RBFOX1: variants seen among roughly 807,000 people sequenced by gnomAD.
RBFOX1 encodes RNA binding protein fox-1 homolog 1.
Under a neutral mutation model 57.7 loss-of-function variants are expected in RBFOX1, and 8 were observed. The observed-to-expected ratio is 0.14, with a 90% CI of 0.08 to 0.25. The LOEUF is 0.25. Ranked by LOEUF, RBFOX1 falls within the 10% of genes least tolerant of loss-of-function variation. The pLI, the probability that RBFOX1 is intolerant of heterozygous loss-of-function variation, is 1.00. For missense variants in RBFOX1, 611 were observed against 548.5 expected (o/e 1.11, Z -1.14); for synonymous variants, 326 against 222.4 (o/e 1.47, Z -4.15).
At chr16:5,906,630 G>A (rs1375548877) in intron 4 of RBFOX1, among the ~76,000 whole-genome samples, 1 of 151,866 alleles carries the variant, frequency 6.6e-6, no homozygotes, top group African/African-American at 2.4e-5. Flanking sequence ...TGGACTGGGA[G>A]TCGGGACATG....
At chr16:6,761,805 C>G (rs893043504) in intron 3 of RBFOX1, among the ~76,000 whole-genome samples, 19 of 151,854 alleles carry the variant, frequency 1.3e-4, no homozygotes, top group African/African-American at 4.4e-4. Context: ...ACGCCTGGCC[C>G]TCTCTCTCCT....
chr16:5,952,060 C>T (rs1174027138), intron 4 of RBFOX1, among the ~76,000 whole-genome samples: 3 of 150,162 alleles, frequency 2.0e-5, no homozygotes, highest in East Asian at 3.9e-4. Flanking sequence ...TATACACACA[C>T]ATCTATATAA....
At chr16:7,297,772 T>C (rs1193122928) in intron 4 of RBFOX1, among the ~76,000 whole-genome samples, 1 of 152,210 alleles carries the variant, frequency 6.6e-6, no homozygotes, top group African/African-American at 2.4e-5. Context: ...CACATTCTTA[T>C]TGTGAAAATC....
chr16:6,793,357 C>A (rs561919456), intron 3 of RBFOX1, among the ~76,000 whole-genome samples: 2 of 152,030 alleles, frequency 1.3e-5, no homozygotes, highest in African/African-American at 2.4e-5. Flanking sequence ...ATATGATTTT[C>A]TTCCATTGAG....
chr16:6,516,714 A>G (rs1398101824), intron 2 of RBFOX1, among the ~76,000 whole-genome samples: 1 of 152,192 alleles, frequency 6.6e-6, no homozygotes, highest in Non-Finnish European at 1.5e-5. Flanking sequence ...TGCAAGTAAA[A>G]TGAAAAAATG....
intron 4 of RBFOX1, among the ~76,000 whole-genome samples, chr16:5,932,500 T>C (rs979432291): frequency 1.9e-4 from 29 of 152,212 alleles, no homozygotes; most frequent in African/African-American, 7.0e-4. Context: ...ACCCCAGCCA[T>C]GCCATGCTAG....
intron 1 of RBFOX1, among the ~76,000 whole-genome samples, chr16:5,325,365 A>G (rs889748729): frequency 6.6e-6 from 1 of 152,176 alleles, no homozygotes; most frequent in African/African-American, 2.4e-5. Flanking sequence ...ACAAGATCCT[A>G]TTCCTGCACA....
intron 1 of RBFOX1, among the ~76,000 whole-genome samples, chr16:5,387,400 G>C (rs1043815186): frequency 1.3e-5 from 2 of 152,314 alleles, no homozygotes; most frequent in East Asian, 1.9e-4. Context: ...ACTCTGTAAA[G>C]TCATCACAGA....
intron 4 of RBFOX1, among the ~76,000 whole-genome samples, chr16:7,512,636 C>T (rs142226860): frequency 2.0e-5 from 3 of 152,290 alleles, no homozygotes; most frequent in East Asian, 1.9e-4. Flanking sequence ...GACTCAGTCC[C>T]TAGAGCATGG....
intron 3 of RBFOX1, among the ~76,000 whole-genome samples, chr16:6,935,071 A>G (rs1360785166): frequency 2.0e-5 from 3 of 152,014 alleles, no homozygotes; most frequent in Admixed American, 2.0e-4. Flanking sequence ...AGCCTGCGTG[A>G]CAGTGAGACC....
At chr16:6,657,711 G>T (rs8047608) in intron 3 of RBFOX1, among the ~76,000 whole-genome samples, 3,335 of 152,254 alleles carry the variant, frequency 0.022, 128 homozygotes, top group African/African-American at 0.076. Flanking sequence ...GATGGCAGAG[G>T]TGCCAAAATA....
chr16:7,573,887 A>G (rs986882611), intron 5 of RBFOX1, among the ~76,000 whole-genome samples: 1 of 152,038 alleles, frequency 6.6e-6, no homozygotes, highest in African/African-American at 2.4e-5. Flanking sequence ...ATTACTTCCC[A>G]CTAAGCTTTG....
At position 6,923,286 on chromosome 16, in the gene RBFOX1, A is replaced by G. The variant is rs532744213; in HGVS notation, c.-15-128771A>G. ...TGGTGGCTCATGCCTATAATCCCAG[A>G]ACTTTGGGATGCCAAGGCGGGAGGA... On this transcript the variant is annotated intron_variant, in intron 3 of 15. Coordinates refer to ENST00000550418, the MANE Select transcript of RBFOX1 (RefSeq NM_018723.4). Among the ~76,000 whole-genome samples the G allele has an allele frequency of 9.9e-5, 15 of 152,112 alleles. No homozygotes were observed. The South Asian group carries it at 3.1e-3, about 32-fold the overall frequency.
At chr16:6,796,238 C>T (rs2084009036) in intron 3 of RBFOX1, among the ~76,000 whole-genome samples, 1 of 152,088 alleles carries the variant, frequency 6.6e-6, no homozygotes, top group Admixed American at 6.5e-5. Flanking sequence ...ATGAAGAGAA[C>T]AGTGAAGGAA....
chr16:7,346,672 C>G (rs1024109292), intron 4 of RBFOX1, among the ~76,000 whole-genome samples: 4 of 151,982 alleles, frequency 2.6e-5, no homozygotes, highest in African/African-American at 7.2e-5. Flanking sequence ...CAGATCTGCC[C>G]TGTTATCAGA....
intron 4 of RBFOX1, among the ~76,000 whole-genome samples, chr16:7,263,653 A>G (rs12930276): frequency 0.16 from 24,700 of 152,054 alleles, 2,582 homozygotes; most frequent in Middle Eastern, 0.3. Flanking sequence ...ATCCCAGCAC[A>G]GAGAGGCCGA....
intron 4 of RBFOX1, among the ~76,000 whole-genome samples, chr16:7,356,394 C>A (rs115743740): frequency 1.7e-3 from 255 of 152,200 alleles, no homozygotes; most frequent in African/African-American, 5.9e-3. Flanking sequence ...TGAGCATGCA[C>A]ACTAAAGAAA....
intron 4 of RBFOX1, among the ~76,000 whole-genome samples, chr16:7,218,643 T>TGC (rs1567757037): frequency 2.4e-4 from 36 of 148,506 alleles, no homozygotes; most frequent in African/African-American, 8.6e-4. Flanking sequence ...TGTGTGTGTG[T>TGC]GTGTGTGTGT....
At chr16:6,617,470 T>C (rs1348176016) in intron 2 of RBFOX1, among the ~76,000 whole-genome samples, 1 of 151,640 alleles carries the variant, frequency 6.6e-6, no homozygotes, top group Non-Finnish European at 1.5e-5. Context: ...TTCTCATGGA[T>C]GTAATTGATT....
Sources: allele counts gnomAD v4.1 joint callset (sites outside exome capture counted in the v4.1 genomes callset), GRCh38; gene constraint gnomAD v4.1.1; transcripts MANE v1.5; gene names NCBI Gene and HGNC (gene_info 2026-07-23, HGNC 2026-07-21).